DZIP1L: variants seen among roughly 807,000 people sequenced by gnomAD.
DZIP1L encodes the protein DAZ interacting zinc finger protein 1 like.
A neutral mutation model predicts 88.7 loss-of-function variants in DZIP1L; 90 were observed. The ratio of observed to expected loss-of-function variants is 1.02; its 90% CI spans 0.86 to 1.21. DZIP1L has a LOEUF of 1.21. Among genes scored for constraint, DZIP1L ranks in the 50% most tolerant of loss-of-function variants. The probability of loss-of-function intolerance (pLI) is 0.00; values close to 1 mark genes in which losing one functional copy is unlikely to be tolerated. For missense variants in DZIP1L, 932 were observed against 955.8 expected (o/e 0.98, Z 0.33); for synonymous variants, 363 against 372.1 (o/e 0.98, Z 0.28).
At chr3:138,068,660 T>C (rs762247264) in intron 12 of DZIP1L, among the ~76,000 whole-genome samples, 1 of 152,008 alleles carries the variant, frequency 6.6e-6, no homozygotes, top group Non-Finnish European at 1.5e-5. Flanking sequence ...GAAGAGGGGC[T>C]CAGTAGTCCT....
intron 11 of DZIP1L, among the ~76,000 whole-genome samples, chr3:138,074,015 A>G (rs1213118869): frequency 6.6e-6 from 1 of 152,152 alleles, no homozygotes; most frequent in African/African-American, 2.4e-5. Context: ...GAAGACAAAA[A>G]AGAATTTTAA....
intron 10 of DZIP1L, among the ~76,000 whole-genome samples, chr3:138,079,015 T>A (rs768763366): frequency 1.3e-5 from 2 of 152,248 alleles, no homozygotes; most frequent in Non-Finnish European, 2.9e-5. Flanking sequence ...AACAGATTGC[T>A]GGGTCCTGCC....
At chr3:138,111,116 C>T (rs1053771651) in intron 1 of DZIP1L, among the ~76,000 whole-genome samples, 3 of 152,310 alleles carry the variant, frequency 2.0e-5, no homozygotes, top group Non-Finnish European at 4.4e-5. Flanking sequence ...ATGGCTTATT[C>T]GTATCTGCTG....
At chr3:138,100,946 A>C (rs899210439) in intron 2 of DZIP1L, among the ~76,000 whole-genome samples, 1 of 152,166 alleles carries the variant, frequency 6.6e-6, no homozygotes, top group Admixed American at 6.5e-5. Flanking sequence ...AGTATTCCAG[A>C]ATAGGCCTGG....
chr3:138,104,131 A>G, intron 1 of DZIP1L, 79 bp from the exon 2 acceptor site: 1 of 1,322,146 alleles, frequency 7.6e-7, no homozygotes. Flanking sequence ...GCAAGGGCCT[A>G]AGCGGGGCAA....
At position 138,094,875 on chromosome 3, in the gene DZIP1L, T is replaced by TA. The variant is rs1348099930; in HGVS notation, c.694_695insT (p.Gln232LeufsTer18). The TA allele has an allele frequency of 6.2e-7, 1 of 1,614,140 alleles. No homozygotes were observed. The highest frequency in any genetic ancestry group is 8.5e-7 in the Non-Finnish European group (1 of 1,180,050). ...CTCCCTGCCCACCTGGAGCTGCCGC[T>TA]GCCTCTCCGCCTCCCTCTGGGCTTC... On this transcript the variant is annotated frameshift_variant, in exon 4 of 16. Coordinates refer to ENST00000327532, the MANE Select transcript of DZIP1L (RefSeq NM_173543.3). LOFTEE classifies it high-confidence loss of function.
chr3:138,112,822 C>T (rs2042639764), intron 1 of DZIP1L, among the ~76,000 whole-genome samples: 1 of 152,190 alleles, frequency 6.6e-6, no homozygotes, highest in South Asian at 2.1e-4. Context: ...TGGCTCATGC[C>T]TGTAGTCCCA....
Position 138,064,749 on chromosome 3 carries a change from A to G in DZIP1L, c.2021T>C (p.Met674Thr). The change falls in exon 15 of 16, where the codon ATG becomes ACG. Residue 674 changes from methionine (M) to threonine (T), a missense_variant. Met to Thr is a moderately conservative substitution (Grantham distance 81). Transcript: ENST00000327532. The part of the protein sequence containing the change: ...GQGSGTLVQS[M>T]VKNLEKQLEA... ...TAGCTGCTTCTCCAGGTTTTTGACCATCGACTGCACCAGTGTTCCTGGAAG... is the reference window on the plus strand; with the variant it reads ...TAGCTGCTTCTCCAGGTTTTTGACCGTCGACTGCACCAGTGTTCCTGGAAG... 1 of 1,592,234 alleles carries G rather than the reference A, an allele frequency of 6.3e-7. No homozygotes were observed. The highest frequency in any genetic ancestry group is 8.5e-7 in the Non-Finnish European group (1 of 1,171,084).
chr3:138,115,042 G>A (rs2042670133), intron 1 of DZIP1L, among the ~76,000 whole-genome samples: 1 of 152,134 alleles, frequency 6.6e-6, no homozygotes, highest in Admixed American at 6.5e-5. Flanking sequence ...GGGGCATCCC[G>A]TCATTCGTCC....
intron 6 of DZIP1L, among the ~76,000 whole-genome samples, chr3:138,087,225 A>C (rs1451239495): frequency 6.6e-6 from 1 of 152,192 alleles, no homozygotes; most frequent in Non-Finnish European, 1.5e-5. Flanking sequence ...TGTTGGAACA[A>C]ATGGCTAGCT....
chr3:138,102,147 T>C (rs1212510525), intron 2 of DZIP1L: 15 of 1,386,788 alleles, frequency 1.1e-5, no homozygotes, highest in African/African-American at 2.8e-5. Flanking sequence ...GATGATGCTG[T>C]CCATGTCCAG....
At chr3:138,088,745 G>T in intron 5 of DZIP1L, 1 of 1,180,858 alleles carries the variant, frequency 8.5e-7, no homozygotes, top group Non-Finnish European at 1.0e-6. Context: ...AAATTAAAGA[G>T]TGTAGTTTCC....
At chr3:138,092,706 G>A (rs142165593) in intron 4 of DZIP1L, among the ~76,000 whole-genome samples, 162 bp from the exon 5 acceptor site, 2 of 152,180 alleles carry the variant, frequency 1.3e-5, no homozygotes, top group East Asian at 3.8e-4. Context: ...ACCAGTCTAA[G>A]CCTACTAAGT....
chr3:138,086,901 T>C, intron 7 of DZIP1L, 60 bp downstream of exon 7: 1 of 1,576,526 alleles, frequency 6.3e-7, no homozygotes, highest in Non-Finnish European at 8.7e-7. Flanking sequence ...TGGAGAATGC[T>C]GAATTCTGAG....
intron 1 of DZIP1L, among the ~76,000 whole-genome samples, chr3:138,114,776 G>C (rs1176395745): frequency 6.6e-6 from 1 of 152,082 alleles, no homozygotes; most frequent in Non-Finnish European, 1.5e-5. Context: ...TCCCTGTCCT[G>C]CACTGAGCAG....
At chr3:138,088,711 G>T in intron 5 of DZIP1L, 6 of 1,242,606 alleles carry the variant, frequency 4.8e-6, no homozygotes, top group Non-Finnish European at 6.1e-6. Flanking sequence ...CCCTTGCATA[G>T]AAAAAGCAAT....
Position 138,077,637 on chromosome 3 carries a change from A to T in DZIP1L, c.1289-5T>A. 6.2e-7 allele frequency: 1 copy of T among 1,613,972 alleles called. No individual in the cohort carries two copies. Reference sequence around the variant, plus strand: ...CATCCTGGGAGTCCTCCATCTCTGTAGCATGAGACATTCACCCAGATCAGC... The same window carrying T: ...CATCCTGGGAGTCCTCCATCTCTGTTGCATGAGACATTCACCCAGATCAGC... On this transcript the variant is annotated splice_polypyrimidine_tract_variant and splice_region_variant and intron_variant, in intron 10 of 15. Coordinates refer to ENST00000327532, the MANE Select transcript of DZIP1L (RefSeq NM_173543.3).
At chr3:138,070,588 T>C (rs2107741449) in intron 12 of DZIP1L, among the ~76,000 whole-genome samples, 1 of 152,364 alleles carries the variant, frequency 6.6e-6, no homozygotes, top group African/African-American at 2.4e-5. Flanking sequence ...ATGTTAGTCT[T>C]ATTTTCTTCT....
At chr3:138,073,724 T>C (rs1243047376) in intron 11 of DZIP1L, among the ~76,000 whole-genome samples, 1 of 151,916 alleles carries the variant, frequency 6.6e-6, no homozygotes, top group African/African-American at 2.4e-5. Flanking sequence ...AATCTCTGAA[T>C]TGCCAGAAAA....
Sources: gnomAD v4.1 joint callset for allele counts (sites outside exome capture counted in the v4.1 genomes callset) on GRCh38, gnomAD v4.1.1 for gene constraint, MANE v1.5 for transcripts, NCBI Gene and HGNC (gene_info 2026-07-23, HGNC 2026-07-21) for gene names.